TYW1B: variants seen among roughly 807,000 people sequenced by gnomAD.
The protein encoded by TYW1B is S-adenosyl-L-methionine-dependent tRNA 4-demethylwyosine synthase TYW1B.
In TYW1B, 73 loss-of-function variants were observed where a neutral mutation model predicts 86.9. The ratio of observed to expected loss-of-function variants is 0.84; its 90% confidence interval spans 0.70 to 1.02. The LOEUF is 1.02. Ranked by LOEUF, TYW1B falls within the 50% of genes least tolerant of loss-of-function variation. TYW1B has a pLI of 0.00. For missense variants in TYW1B, 637 were observed against 827.4 expected (o/e 0.77, Z 2.82); for synonymous variants, 248 against 292.8 (o/e 0.85, Z 1.56).
chr7:72,779,712 C>CAA (rs58301724), intron 6 of TYW1B, among the ~76,000 whole-genome samples: 649 of 64,264 alleles, frequency 0.01, 28 homozygotes, highest in East Asian at 0.018. Context: ...GACTCTGCCT[C>CAA]AAAAAAAAAA....
chr7:72,577,631 C>T (rs868916654), intron 13 of TYW1B, among the ~76,000 whole-genome samples: 14 of 152,222 alleles, frequency 9.2e-5, no homozygotes, highest in African/African-American at 3.1e-4. Flanking sequence ...GACTTGGTCA[C>T]GCAGGCCCTT....
chr7:72,740,823 C>T lies in TYW1B; in HGVS notation c.1082+3661G>A, dbSNP rs184940569. Among the ~76,000 whole-genome samples the T allele has an allele frequency of 4.0e-3, 614 of 151,724 alleles. 4 individuals are homozygous for T. The highest frequency in any genetic ancestry group is 7.1e-3 in the Non-Finnish European group (479 of 67,870). On this transcript the variant is annotated intron_variant, in intron 8 of 13. Coordinates refer to ENST00000620995, the MANE Select transcript of TYW1B (RefSeq NM_001145440.3). ...TCGGCTCACTGCAAGCTCCACCTCCCGAGCTCACGCCATTCTCCTGCCTCA... is the reference window on the plus strand; with the variant it reads ...TCGGCTCACTGCAAGCTCCACCTCCTGAGCTCACGCCATTCTCCTGCCTCA...
rs1430172667 is a variant in TYW1B at position 72,715,088 on chromosome 7, T to C, written c.1193-1290A>G. Among the ~76,000 whole-genome samples, 5 of 152,172 alleles carry C rather than the reference T, an allele frequency of 3.3e-5. No individual in the cohort carries two copies. The East Asian group carries it at 5.8e-4, about 18-fold the overall frequency. ...CAGAGGGGCCCAACCTGTCTGCACA[T>C]TGGAATCACCTTGGAATCTTAAAAT... is the stretch of plus-strand genomic sequence containing the variant. On this transcript the variant is annotated intron_variant, in intron 9 of 13. Transcript: ENST00000620995.
chr7:72,823,868 T>TA (rs1788878680), intron 2 of TYW1B, among the ~76,000 whole-genome samples: 1 of 152,164 alleles, frequency 6.6e-6, no homozygotes, highest in South Asian at 2.1e-4. Flanking sequence ...TAGAAATAGT[T>TA]ACAAGGTTTC....
intron 10 of TYW1B, among the ~76,000 whole-genome samples, chr7:72,695,737 C>T (rs1274449240): frequency 2.0e-5 from 3 of 151,988 alleles, no homozygotes; most frequent in African/African-American, 7.3e-5. Flanking sequence ...GGACCACATG[C>T]ATGTGCCACC....
At chr7:72,762,086 T>C (rs1186178310) in intron 7 of TYW1B, among the ~76,000 whole-genome samples, 1 of 152,144 alleles carries the variant, frequency 6.6e-6, no homozygotes, top group Non-Finnish European at 1.5e-5. Flanking sequence ...TAAAACAACA[T>C]GGTTTACCTA....
At chr7:72,681,591 C>CTTTT (rs71069098) in intron 11 of TYW1B, among the ~76,000 whole-genome samples, 114 of 110,972 alleles carry the variant, frequency 1.0e-3, no homozygotes, top group East Asian at 1.4e-3. Flanking sequence ...ATATTTACTT[C>CTTTT]TTTTTTTTTT....
chr7:72,668,598 C>G (rs1261676928), intron 11 of TYW1B, among the ~76,000 whole-genome samples: 2 of 152,156 alleles, frequency 1.3e-5, no homozygotes, highest in Admixed American at 6.6e-5. Context: ...TGGAACTGAA[C>G]TGCTCCACAA....
At chr7:72,632,346 T>TTATATATATATACG (rs1315850269) in intron 11 of TYW1B, among the ~76,000 whole-genome samples, 1 of 103,594 alleles carries the variant, frequency 9.7e-6, no homozygotes, top group Non-Finnish European at 1.8e-5. Flanking sequence ...CGTATATATA[T>TTATATATATATACG]TATATATATT....
intron 12 of TYW1B, among the ~76,000 whole-genome samples, chr7:72,622,191 C>T (rs1230157898): frequency 1.3e-5 from 2 of 152,148 alleles, no homozygotes; most frequent in African/African-American, 4.8e-5. Flanking sequence ...GGAAGATTCT[C>T]AGGCTAGCAA....
At chr7:72,650,071 T>G (rs1194833011) in intron 11 of TYW1B, among the ~76,000 whole-genome samples, 5 of 119,584 alleles carry the variant, frequency 4.2e-5, no homozygotes, top group East Asian at 4.0e-4. Context: ...TTTTGTTGGT[T>G]TTTTTTTTTT....
intron 13 of TYW1B, among the ~76,000 whole-genome samples, chr7:72,577,220 T>C (rs1490093276): frequency 6.6e-6 from 1 of 151,354 alleles, no homozygotes; most frequent in Admixed American, 6.6e-5. Context: ...AGAAAATACA[T>C]AGGTTCCTGA....
At chr7:72,705,016 G>T (rs1185993182) in intron 10 of TYW1B, among the ~76,000 whole-genome samples, 1 of 152,078 alleles carries the variant, frequency 6.6e-6, no homozygotes, top group Non-Finnish European at 1.5e-5. Context: ...AGGCTGGGGG[G>T]CGGGGAACTT....
At chr7:72,622,630 A>AACACAC (rs1170160659) in intron 12 of TYW1B, among the ~76,000 whole-genome samples, 1 of 151,742 alleles carries the variant, frequency 6.6e-6, no homozygotes, top group Non-Finnish European at 1.5e-5. Context: ...CACAAACACA[A>AACACAC]ACACACACAC....
At chr7:72,632,141 A>G (rs570623369) in intron 11 of TYW1B, among the ~76,000 whole-genome samples, 10 of 150,622 alleles carry the variant, frequency 6.6e-5, no homozygotes, top group Non-Finnish European at 1.3e-4. Context: ...TACAAAAAAT[A>G]CAATAGCCGG....
chr7:72,614,771 A>G (rs1554436545), intron 13 of TYW1B, among the ~76,000 whole-genome samples: 1 of 152,224 alleles, frequency 6.6e-6, no homozygotes. Flanking sequence ...AAAAATAAAA[A>G]TAACTGAAGC....
rs782282901 is a variant in TYW1B at position 72,807,174 on chromosome 7, G to C, written c.615C>G (p.Ser205=). The C allele has an allele frequency of 1.2e-5, 20 of 1,613,826 alleles. 1 individual carries two copies. The highest frequency in any genetic ancestry group is 1.6e-4 in the Middle Eastern group (1 of 6,082). ...QALQKGERKK[S]CGGHCKKGKC... is the part of the protein sequence containing the mutation. ...TGCCTTTCTTGCAGTGGCCGCCACA[G>C]GACTTCTTTCTCTCCCCTTTCTGAA... is the stretch of plus-strand genomic sequence containing the variant. The change falls in exon 5 of 14, where the codon TCC becomes TCG. Residue 205 remains serine (S), a synonymous_variant. Coordinates refer to ENST00000620995, the MANE Select transcript of TYW1B (RefSeq NM_001145440.3).
Position 72,616,665 on chromosome 7 carries a change from T to C in TYW1B, c.1785+7A>G. 1.2e-6 allele frequency: 2 copies of C among 1,614,080 alleles called. No homozygotes were observed. The highest frequency in any genetic ancestry group is 1.7e-6 in the Non-Finnish European group (2 of 1,179,922). The stretch of plus-strand genomic sequence containing the variant: ...AACAGAAGATTCCATGTTTGAGTTA[T>C]TCTTACCTTTCTGTGTGCTATCAGG... On this transcript the variant is annotated splice_region_variant and intron_variant, in intron 13 of 13. Coordinates refer to ENST00000620995, the MANE Select transcript of TYW1B (RefSeq NM_001145440.3).
chr7:72,630,235 T>C (rs2960935), intron 11 of TYW1B, among the ~76,000 whole-genome samples: 68,420 of 151,914 alleles, frequency 0.45, 17,478 homozygotes, highest in African/African-American at 0.7. Context: ...GCTGAGATCA[T>C]GCCACTGCAC....
Sources: gnomAD v4.1 joint callset for allele counts (sites outside exome capture counted in the v4.1 genomes callset) on GRCh38, gnomAD v4.1.1 for gene constraint, MANE v1.5 for transcripts, NCBI Gene and HGNC (gene_info 2026-07-23, HGNC 2026-07-21) for gene names.